Variants in VPS35L observed in about 807,000 individuals in gnomAD.
VPS35L encodes the protein VPS35 endosomal protein sorting factor like.
VPS35L carries 83 observed loss-of-function variants against 133.0 expected under a neutral mutation model. That is an observed-to-expected ratio of 0.62 (90% CI 0.52 to 0.75). The LOEUF (loss-of-function observed/expected upper bound fraction) is 0.75. Among genes scored for constraint, VPS35L ranks in the 30% least tolerant of loss-of-function variants. VPS35L has a pLI of 0.00. For synonymous variants in VPS35L, 423 were observed against 449.9 expected (o/e 0.94, Z 0.76); for missense variants, 1,083 against 1,206.8 (o/e 0.90, Z 1.52).
intron 1 of VPS35L, among the ~76,000 whole-genome samples, chr16:19,562,029 T>C (rs1317299906): frequency 6.6e-6 from 1 of 152,082 alleles, no homozygotes; most frequent in Non-Finnish European, 1.5e-5. Flanking sequence ...GGCTTAAACC[T>C]GAGATGCAGA....
Position 19,633,080 on chromosome 16 carries a change from T to C in VPS35L, c.1555-12T>C. 6.2e-7 allele frequency: 1 copy of C among 1,613,882 alleles called. No homozygotes were observed. The highest frequency in any genetic ancestry group is 8.5e-7 in the Non-Finnish European group (1 of 1,179,720). Reference sequence around the variant, plus strand: ...GTGTCTAATTCAGGTTTGGTTCCTTTTTCCTGCTTAGAAACGAGAGGTGAA... The same window carrying C: ...GTGTCTAATTCAGGTTTGGTTCCTTCTTCCTGCTTAGAAACGAGAGGTGAA... On this transcript the variant is annotated splice_polypyrimidine_tract_variant and intron_variant, in intron 18 of 30. Transcript: ENST00000417362. The surrounding 1 kb of genome is among the most constrained non-coding windows in gnomAD (Gnocchi z 4.1).
At chr16:19,682,180 G>A in intron 27 of VPS35L, 45 bp from the exon 28 acceptor site, 1 of 1,593,468 alleles carries the variant, frequency 6.3e-7, no homozygotes, top group East Asian at 2.2e-5. Flanking sequence ...TTCCCTCCCT[G>A]CTTCATCTTT....
At chr16:19,686,483 G>A (rs577929088) in intron 28 of VPS35L, among the ~76,000 whole-genome samples, 8 of 152,032 alleles carry the variant, frequency 5.3e-5, no homozygotes, top group Admixed American at 2.0e-4. Flanking sequence ...TGTCTTTATT[G>A]GAAGAGTACA....
intron 8 of VPS35L, among the ~76,000 whole-genome samples, chr16:19,594,023 C>T (rs9935293): frequency 0.026 from 3,894 of 152,238 alleles, 177 homozygotes; most frequent in African/African-American, 0.089. Context: ...TGCTAGTGGT[C>T]CCAGGGCATG....
At chr16:19,694,209 C>T (rs1975820614) in intron 29 of VPS35L, 1 of 152,126 alleles carries the variant, frequency 6.6e-6, no homozygotes, top group Admixed American at 6.5e-5. Context: ...TAAATACACA[C>T]AAATATTATG....
At chr16:19,682,586 G>A (rs898986114) in intron 28 of VPS35L, among the ~76,000 whole-genome samples, 196 bp downstream of exon 28, 1 of 152,214 alleles carries the variant, frequency 6.6e-6, no homozygotes, top group East Asian at 1.9e-4. Context: ...CTTGGGCCGG[G>A]TGCAGTGGCC....
chr16:19,643,811 A>G (rs1258377616), intron 22 of VPS35L, among the ~76,000 whole-genome samples: 1 of 151,922 alleles, frequency 6.6e-6, no homozygotes, highest in Non-Finnish European at 1.5e-5. Flanking sequence ...ACAAAAAATT[A>G]GCTGGGCGCC....
At position 19,628,698 on chromosome 16, in the gene VPS35L, G is replaced by T; in HGVS notation, c.1445G>T (p.Arg482Leu). Reference protein sequence around the residue: ...LALADPPESDRLQILNEAWKV... With the variant: ...LALADPPESDLLQILNEAWKV... Reference sequence around the variant, plus strand: ...TTGGCTGATCCTCCTGAGAGTGACCGACTTCAGATTCTCAACGAAGCTTGG... The same window carrying T: ...TTGGCTGATCCTCCTGAGAGTGACCTACTTCAGATTCTCAACGAAGCTTGG... Residue 482 changes from arginine to leucine, a missense_variant, in exon 17 of 31, where the codon CGA (arginine) becomes CTA (leucine). Coordinates refer to ENST00000417362, the MANE Select transcript of VPS35L (RefSeq NM_020314.7). The T allele has an allele frequency of 6.3e-7, 1 of 1,599,970 alleles. No individual in the cohort carries two copies. Among genetic ancestry groups the T allele is most frequent in the East Asian group, 2.3e-5 (1 of 44,194 alleles).
intron 26 of VPS35L, among the ~76,000 whole-genome samples, chr16:19,666,000 C>G (rs1974651380): frequency 3.3e-5 from 5 of 151,330 alleles, no homozygotes; most frequent in Admixed American, 2.6e-4. Flanking sequence ...CTATTGAAAT[C>G]TTTTGCCCAT....
At chr16:19,615,836 A>G (rs1385367269) in intron 12 of VPS35L, among the ~76,000 whole-genome samples, 1 of 151,578 alleles carries the variant, frequency 6.6e-6, no homozygotes, top group African/African-American at 2.4e-5. Flanking sequence ...GCCTGGTGAC[A>G]CATGCCTGTA....
chr16:19,664,741 A>G (rs1401795216), intron 26 of VPS35L, among the ~76,000 whole-genome samples: 1 of 152,104 alleles, frequency 6.6e-6, no homozygotes, highest in Non-Finnish European at 1.5e-5. Flanking sequence ...CTCTACTAAA[A>G]ATACAAAAAT....
chr16:19,603,542 T>C (rs1321620885), intron 9 of VPS35L, among the ~76,000 whole-genome samples: 5 of 152,112 alleles, frequency 3.3e-5, no homozygotes, highest in African/African-American at 1.2e-4. Flanking sequence ...GTGGCTCATG[T>C]GGTTTTTCTT....
Position 19,647,772 on chromosome 16 carries a change from C to A in VPS35L, c.1930-12C>A. On this transcript the variant is annotated splice_polypyrimidine_tract_variant and intron_variant, in intron 23 of 30. Transcript: ENST00000417362. ...CCACTGTCCCTTTCAGCGTCTTTCT[C>A]CTTGATTCTAGGTTTCCTTTGGCCG... 1 of 1,609,510 alleles carries A rather than the reference C, an allele frequency of 6.2e-7. No homozygotes were observed. The highest frequency in any genetic ancestry group is 8.5e-7 in the Non-Finnish European group (1 of 1,175,942).
intron 26 of VPS35L, among the ~76,000 whole-genome samples, chr16:19,654,844 ATCTT>A (rs1328819926): frequency 1.3e-5 from 2 of 152,204 alleles, no homozygotes; most frequent in Non-Finnish European, 2.9e-5. Context: ...AGAAGCCTAG[ATCTT>A]TCTTCTTCCC....
chr16:19,562,609 G>A lies in VPS35L; in HGVS notation c.18-2242G>A, dbSNP rs144098400. 1.2e-4 allele frequency among the ~76,000 whole-genome samples: 18 copies of A among 152,212 alleles called. No individual in the cohort carries two copies. In the East Asian group the frequency reaches 1.7e-3, roughly 15 times the overall value. Reference sequence around the variant, plus strand: ...ATACACACATTGCATAAACAATTTGGTTAAATATGTGAGTTAAAAAAGATT... The same window carrying A: ...ATACACACATTGCATAAACAATTTGATTAAATATGTGAGTTAAAAAAGATT... On this transcript the variant is annotated intron_variant, in intron 1 of 30. Coordinates refer to ENST00000417362, the MANE Select transcript of VPS35L (RefSeq NM_020314.7).
intron 26 of VPS35L, among the ~76,000 whole-genome samples, chr16:19,661,612 G>C (rs758660154): frequency 6.6e-6 from 1 of 152,186 alleles, no homozygotes; most frequent in Non-Finnish European, 1.5e-5. Flanking sequence ...CAAGTGGACT[G>C]ACTGGGGAGC....
rs368550812 is a variant in VPS35L at position 19,616,770 on chromosome 16, G to A, written c.1186G>A (p.Asp396Asn). 6.2e-6 allele frequency: 10 copies of A among 1,614,160 alleles called. No individual in the cohort carries two copies. The highest frequency in any genetic ancestry group is 7.6e-6 in the Non-Finnish European group (9 of 1,180,018). The stretch of plus-strand genomic sequence containing the variant: ...CCTCCCCTTGTACCCGCCTGCCATG[G>A]ACTGGATCTTCCAGTGCATCTCCTA... ...SYLPLYPPAM[D>N]WIFQCISYHA... Residue 396 changes from aspartate to asparagine, a missense_variant, in exon 14 of 31, where the codon GAC becomes AAC. Physicochemically the swap from Asp to Asn is conservative, Grantham distance 23. Coordinates refer to ENST00000417362, the MANE Select transcript of VPS35L (RefSeq NM_020314.7).
chr16:19,676,908 C>T (rs975883201), intron 27 of VPS35L, among the ~76,000 whole-genome samples: 10 of 152,106 alleles, frequency 6.6e-5, no homozygotes, highest in African/African-American at 2.4e-4. Context: ...CACCAAGAGG[C>T]TGATGACTAC....
intron 12 of VPS35L, among the ~76,000 whole-genome samples, chr16:19,612,441 A>T (rs954558036): frequency 6.6e-6 from 1 of 151,990 alleles, no homozygotes; most frequent in Admixed American, 6.6e-5. Flanking sequence ...TTTAGTAGTG[A>T]CAGGGTGTCA....
Sources: gnomAD v4.1 joint callset for allele counts (sites outside exome capture counted in the v4.1 genomes callset) on GRCh38, gnomAD v4.1.1 for gene constraint, Gnocchi (gnomAD v3.1) non-coding constraint, MANE v1.5 for transcripts, NCBI Gene and HGNC (gene_info 2026-07-23, HGNC 2026-07-21) for gene names.